GSR: variants seen among roughly 807,000 people sequenced by gnomAD.
GSR encodes glutathione-disulfide reductase, also known as glutathione reductase, mitochondrial.
Under a neutral mutation model 56.5 loss-of-function variants are expected in GSR, and 48 were observed. The ratio of observed to expected loss-of-function variants is 0.85; its 90% CI spans 0.67 to 1.08. The LOEUF (loss-of-function observed/expected upper bound fraction) is 1.08. GSR is among the 50% of genes least tolerant of loss of function. The pLI is 0.00. For synonymous variants in GSR, 264 were observed against 270.8 expected, an observed-to-expected ratio of 0.97 and a Z score of 0.25; for missense variants, 694 against 703.3, an observed-to-expected ratio of 0.99 and a Z score of 0.15.
intron 1 of GSR, among the ~76,000 whole-genome samples, chr8:30,726,601 A>C (rs560575988): frequency 2.6e-4 from 39 of 152,156 alleles, no homozygotes; most frequent in Middle Eastern, 3.4e-3. Flanking sequence ...CTCTACAAAA[A>C]ATAATAATAA....
At chr8:30,710,714 CAAAAAAAAAAAAAAAAAA>C (rs60532553) in intron 2 of GSR, among the ~76,000 whole-genome samples, 4 of 51,036 alleles carry the variant, frequency 7.8e-5, no homozygotes, top group East Asian at 1.5e-3. Flanking sequence ...GACTCTGTCT[CAAAAAAAAAAAAAAAAAA>C]AAAAAAAAAA....
In GSR at chr8:30,727,527, C is replaced by T. The variant is rs1586077497; in HGVS notation, c.306+3G>A. 7 of 1,537,414 alleles carry T rather than the reference C, an allele frequency of 4.6e-6. No homozygotes were observed. Among genetic ancestry groups the T allele is most frequent in the Non-Finnish European group, 6.1e-6 (7 of 1,144,972 alleles). The stretch of plus-strand genomic sequence containing the variant: ...CCCGCCCGAACAAACCGGCGGTACT[C>T]ACGCAAGTGCCACCCAGCTTGTGGC... On this transcript the variant is annotated splice_donor_region_variant and intron_variant, in intron 1 of 12. Coordinates refer to ENST00000221130, the MANE Select transcript of GSR (RefSeq NM_000637.5).
chr8:30,685,925 T>G (rs905194491), intron 9 of GSR, among the ~76,000 whole-genome samples: 2 of 138,398 alleles, frequency 1.4e-5, no homozygotes, highest in Admixed American at 8.4e-5. Flanking sequence ...GGGCGGAGAT[T>G]GCAGTAAGCT....
Position 30,681,982 on chromosome 8 carries a change from G to C in GSR, c.1233C>G (p.Ile411Met). Residue 411 changes from isoleucine to methionine, a missense_variant, in exon 11 of 13, where the codon ATC (isoleucine) becomes ATG (methionine). Transcript: ENST00000221130. ...KEDSKLDYNN[I>M]PTVVFSHPPI... Reference sequence around the variant, plus strand: ...GGGGGTGGCTGAAGACCACAGTTGGGATGTTGTTATAATCTAATTTGGAAT... The same window carrying C: ...GGGGGTGGCTGAAGACCACAGTTGGCATGTTGTTATAATCTAATTTGGAAT... 1 of 1,613,286 alleles carries C rather than the reference G, an allele frequency of 6.2e-7. No individual in the cohort carries two copies. Among genetic ancestry groups the C allele is most frequent in the Non-Finnish European group, 8.5e-7 (1 of 1,179,202 alleles).
intron 5 of GSR, among the ~76,000 whole-genome samples, chr8:30,701,635 C>A (rs1436179042): frequency 6.7e-6 from 1 of 149,852 alleles, no homozygotes; most frequent in Non-Finnish European, 1.5e-5. Context: ...ACTAAAAATA[C>A]AAAAAAAATT....
intron 12 of GSR, 42 bp from the exon 13 acceptor site, chr8:30,679,711 T>A (rs967502286): frequency 6.4e-7 from 1 of 1,559,444 alleles, no homozygotes; most frequent in East Asian, 2.3e-5. Context: ...TTCTTCTTTT[T>A]TTTTTTTTTT....
In GSR at chr8:30,704,228, G is replaced by A. The variant is rs138445821; in HGVS notation, c.493-988C>T. The stretch of plus-strand genomic sequence containing the variant: ...TAATCCCAGCTGCTCAGGAGGCTGA[G>A]GCACGAGAATTCCTTGAACCTGGGA... On this transcript the variant is annotated intron_variant, in intron 4 of 12. Coordinates refer to ENST00000221130, the MANE Select transcript of GSR (RefSeq NM_000637.5). 7.8e-3 allele frequency among the ~76,000 whole-genome samples: 1,188 copies of A among 152,204 alleles called. 17 individuals carry two copies. Among genetic ancestry groups the A allele is most frequent in the African/African-American group, 0.027 (1,135 of 41,518 alleles).
At position 30,678,864 on chromosome 8, in the gene GSR, T is replaced by C. The variant is rs796525475; in HGVS notation, c.*656A>G. 7.9e-5 allele frequency: 12 copies of C among 152,720 alleles called. No homozygotes were observed. The highest frequency in any genetic ancestry group is 2.9e-4 in the African/African-American group (12 of 41,544). 9.5% of individuals were successfully genotyped at this position (152,720 alleles called of 1,614,324 possible). On this transcript the variant is annotated 3_prime_UTR_variant, in exon 13 of 13. Coordinates refer to ENST00000221130, the MANE Select transcript of GSR (RefSeq NM_000637.5). ...AATTGCCATCAACTTCTGTGAAAAT[T>C]AGCAAGCTGGCACAGTGGCTCACGC...
intron 6 of GSR, among the ~76,000 whole-genome samples, chr8:30,699,295 A>G (rs529801965): frequency 5.3e-5 from 8 of 151,908 alleles, no homozygotes; most frequent in African/African-American, 1.9e-4. Flanking sequence ...TGTCTCTAAA[A>G]AAAAAAATGT....
At chr8:30,712,209 G>A in intron 1 of GSR, 121 bp from the exon 2 acceptor site, 1 of 606,568 alleles carries the variant, frequency 1.6e-6, no homozygotes, top group South Asian at 2.1e-5. Context: ...AAGTCACAGT[G>A]TACTAAATTC....
chr8:30,724,153 C>T (rs1804647693), intron 1 of GSR, among the ~76,000 whole-genome samples: 1 of 152,162 alleles, frequency 6.6e-6, no homozygotes, highest in Admixed American at 6.5e-5. Context: ...AGGAGGATTG[C>T]TTGAGTCCAG....
intron 8 of GSR, among the ~76,000 whole-genome samples, chr8:30,690,779 T>C (rs1428726711): frequency 6.6e-6 from 1 of 152,198 alleles, no homozygotes; most frequent in East Asian, 1.9e-4. Flanking sequence ...AAAATTAGAT[T>C]CTAGGCTGGA....
At chr8:30,712,449 G>A (rs572945095) in intron 1 of GSR, among the ~76,000 whole-genome samples, 17 of 152,284 alleles carry the variant, frequency 1.1e-4, no homozygotes, top group African/African-American at 3.1e-4. Flanking sequence ...TGGGAGCTGA[G>A]GCAGTTGGAT....
intron 4 of GSR, among the ~76,000 whole-genome samples, chr8:30,704,238 T>C (rs1179747926): frequency 6.6e-6 from 1 of 152,000 alleles, no homozygotes; most frequent in African/African-American, 2.4e-5. Context: ...GGCACGAGAA[T>C]TCCTTGAACC....
At chr8:30,708,583 A>AC (rs751417129) in intron 3 of GSR, among the ~76,000 whole-genome samples, 6 of 152,208 alleles carry the variant, frequency 3.9e-5, no homozygotes, top group African/African-American at 7.2e-5. Flanking sequence ...CTAAGTACAG[A>AC]CCCAAAAGAA....
chr8:30,721,900 C>T (rs1804551042), intron 1 of GSR, among the ~76,000 whole-genome samples: 1 of 151,806 alleles, frequency 6.6e-6, no homozygotes, highest in Admixed American at 6.6e-5. Flanking sequence ...GCCTGTAGTC[C>T]CAGCTACTCA....
At chr8:30,699,464 G>A (rs941063216) in intron 6 of GSR, among the ~76,000 whole-genome samples, 25 of 151,512 alleles carry the variant, frequency 1.7e-4, no homozygotes, top group African/African-American at 4.8e-4. Context: ...CAAAATTAGC[G>A]GGGCGTGGTG....
intron 1 of GSR, among the ~76,000 whole-genome samples, chr8:30,714,510 A>T (rs989675695): frequency 9.3e-5 from 14 of 149,880 alleles, no homozygotes; most frequent in Non-Finnish European, 1.8e-4. Flanking sequence ...TATACTTTTT[A>T]AAAAAAAATA....
intron 1 of GSR, 105 bp from the exon 2 acceptor site, chr8:30,712,193 G>C (rs1253276271): frequency 1.5e-6 from 1 of 656,518 alleles, no homozygotes; most frequent in African/African-American, 1.8e-5. Flanking sequence ...GTCTTCCTTG[G>C]GTTCTAAGTC....
Sources: gnomAD v4.1 joint callset for allele counts (sites outside exome capture counted in the v4.1 genomes callset) on GRCh38, gnomAD v4.1.1 for gene constraint, MANE v1.5 for transcripts, NCBI Gene and HGNC (gene_info 2026-07-23, HGNC 2026-07-21) for gene names.